The following LEAP2 variants were observed in gnomAD, a reference collection of about 807,000 sequenced individuals.
The protein encoded by LEAP2 is liver enriched antimicrobial peptide 2.
LEAP2 carries 13 observed loss-of-function variants against 9.3 expected under a neutral mutation model. The ratio of observed to expected loss-of-function variants is 1.39; its 90% CI spans 0.91 to 2.21. The LOEUF is 2.21. Among genes scored for constraint, LEAP2 ranks in the 30% most tolerant of loss-of-function variants. The probability of loss-of-function intolerance (pLI) is 0.00; values close to 1 mark genes in which losing one functional copy is unlikely to be tolerated. For synonymous variants in LEAP2, 34 were observed against 34.9 expected (o/e 0.98, Z 0.09); for missense variants, 98 against 94.0 (o/e 1.04, Z -0.17).
chr5:132,873,873 G>A (rs950790190), intron 1 of LEAP2, 77 bp from the exon 2 acceptor site: 47 of 1,595,378 alleles, frequency 2.9e-5, no homozygotes, highest in East Asian at 1.8e-4. Context: ...CAGCATCTGC[G>A]GAATGGAATG....
chr5:132,874,678 A>C lies in LEAP2; in HGVS notation c.*232A>C, dbSNP rs1313398814. 2 of 602,820 alleles carry C rather than the reference A, an allele frequency of 3.3e-6. No homozygotes were observed. The highest frequency in any genetic ancestry group is 5.9e-6 in the Non-Finnish European group (2 of 337,796). The allele number at this position is 602,820 out of a possible 1,614,324, so 37.3% of individuals were successfully genotyped here. A position where few individuals can be genotyped will look rare whatever the true frequency, so the allele number is the denominator to read the frequency against. Reference sequence around the variant, plus strand: ...TAGAGTTTATTTTTCTATGGATACTATTAAATGTCTCAAATTGAAATTTTA... The same window carrying C: ...TAGAGTTTATTTTTCTATGGATACTCTTAAATGTCTCAAATTGAAATTTTA... On this transcript the variant is annotated 3_prime_UTR_variant, in exon 3 of 3. Transcript: ENST00000296877.
At position 132,874,728 on chromosome 5, in the gene LEAP2, G is replaced by A; in HGVS notation, c.*282G>A. 1 of 545,384 alleles carries A rather than the reference G, an allele frequency of 1.8e-6. No individual in the cohort carries two copies. 33.8% of individuals were successfully genotyped at this position (545,384 alleles called of 1,614,324 possible). ...AGCAGTCTGGAATTCAAGCTTTTGA[G>A]GGAAAGAAGGATTCATTTTGTATAC... On this transcript the variant is annotated 3_prime_UTR_variant, in exon 3 of 3. Transcript: ENST00000296877.
chr5:132,874,215 A>G (rs989558322), intron 2 of LEAP2, 126 bp downstream of exon 2: 4 of 1,130,432 alleles, frequency 3.5e-6, no homozygotes, highest in Non-Finnish European at 5.1e-6. Context: ...TGAGACTGGG[A>G]GCTCCATGGA....
In LEAP2 at chr5:132,874,090, G is replaced by A. The variant is rs1759782536; in HGVS notation, c.197+1G>A. 4.3e-6 allele frequency: 7 copies of A among 1,611,526 alleles called. No individual in the cohort carries two copies. Among genetic ancestry groups the A allele is most frequent in the Middle Eastern group, 3.4e-4 (2 of 5,798 alleles). On this transcript the variant is annotated splice_donor_variant, in intron 2 of 2. Transcript: ENST00000296877. LOFTEE classifies it high-confidence loss of function. ...CTGAGTGTATCACAAGGCTATGCAGGTACTCCCTGAACCTGGGAGCAGGGT... is the reference window on the plus strand; with the variant it reads ...CTGAGTGTATCACAAGGCTATGCAGATACTCCCTGAACCTGGGAGCAGGGT...
At position 132,873,998 on chromosome 5, in the gene LEAP2, C is replaced by T. The variant is rs556112485; in HGVS notation, c.106C>T (p.Arg36Trp). ...PEVSSAKRRP[R>W]RMTPFWRGVS... ...AGTGAGTTCGGCAAAGAGAAGGCCA[C>T]GGAGAATGACCCCATTTTGGAGAGG... The change falls in exon 2 of 3, where the codon CGG becomes TGG. Residue 36 changes from arginine to tryptophan, a missense_variant. Coordinates refer to ENST00000296877, the MANE Select transcript of LEAP2 (RefSeq NM_052971.3). The T allele has an allele frequency of 4.3e-5, 69 of 1,614,100 alleles. No homozygotes were observed. The highest frequency in any genetic ancestry group is 4.2e-4 in the South Asian group (38 of 91,084).
rs563818763 is a variant in LEAP2, at chr5:132,874,651, T to C, written c.*205T>C. 235 of 651,638 alleles carry C rather than the reference T, an allele frequency of 3.6e-4. No individual in the cohort carries two copies. The highest frequency in any genetic ancestry group is 2.3e-3 in the Middle Eastern group (9 of 3,928). The allele number at this position is 651,638 out of a possible 1,614,324, so 40.4% of individuals were successfully genotyped here. ...GGATAAGCATAACTAAACTTGTCAA[T>C]TTAGAGTTTATTTTTCTATGGATAC... On this transcript the variant is annotated 3_prime_UTR_variant, in exon 3 of 3. Coordinates refer to ENST00000296877, the MANE Select transcript of LEAP2 (RefSeq NM_052971.3).
At position 132,873,731 on chromosome 5, in the gene LEAP2, T is replaced by C. The variant is rs746615182; in HGVS notation, c.37T>C (p.Phe13Leu). 6 of 1,614,116 alleles carry C rather than the reference T, an allele frequency of 3.7e-6. No individual in the cohort carries two copies. Among genetic ancestry groups the C allele is most frequent in the South Asian group, 3.3e-5 (3 of 91,082 alleles). Residue 13 changes from phenylalanine to leucine, a missense_variant, in exon 1 of 3, where the codon TTC (phenylalanine) becomes CTC (leucine). Physicochemically the swap from Phe to Leu is conservative, Grantham distance 22. Coordinates refer to ENST00000296877, the MANE Select transcript of LEAP2 (RefSeq NM_052971.3). ...CAAACTTTGTGCAGTCCTCATGATCTTCCTGTTGCTGTTGGGCCAGGTAAG... is the reference window on the plus strand; with the variant it reads ...CAAACTTTGTGCAGTCCTCATGATCCTCCTGTTGCTGTTGGGCCAGGTAAG... ...HLKLCAVLMI[F>L]LLLLGQIDGS...
intron 2 of LEAP2, 57 bp from the exon 3 acceptor site, chr5:132,874,353 G>A (rs1759786431): frequency 3.5e-6 from 5 of 1,409,240 alleles, no homozygotes; most frequent in Non-Finnish European, 5.0e-6. Flanking sequence ...TGCAGCATAG[G>A]TGGCCCTGGT....
rs755800324 is a variant in LEAP2 at position 132,873,954 on chromosome 5, A to C, written c.62A>C (p.Asp21Ala). 6.2e-7 allele frequency: 1 copy of C among 1,614,124 alleles called. No homozygotes were observed. The highest frequency in any genetic ancestry group is 2.2e-5 in the East Asian group (1 of 44,890). ...TGAATGTCTTTGCCCTTACAGATAG[A>C]TGGCTCCCCAATACCAGAAGTGAGT... is the stretch of plus-strand genomic sequence containing the variant. ...MIFLLLLGQI[D>A]GSPIPEVSSA... Residue 21 changes from aspartate to alanine, a missense_variant, in exon 2 of 3, where the codon GAT (aspartate) becomes GCT (alanine). By Grantham distance (126) the Asp-to-Ala change is moderately radical (BLOSUM62 -2). Transcript: ENST00000296877.
chr5:132,874,225 A>G, intron 2 of LEAP2, 136 bp downstream of exon 2: 1 of 1,093,342 alleles, frequency 9.1e-7, no homozygotes, highest in Non-Finnish European at 1.3e-6. Flanking sequence ...AGCTCCATGG[A>G]AAATCCCTTA....
Position 132,873,897 on chromosome 5 carries a change from G to C in LEAP2, c.58-53G>C, listed in dbSNP as rs1759776533. ...CGGAATGGAATGATCACTCTTCCAA[G>C]GTGTGCAGCAGGGTGTCAACACTTT... On this transcript the variant is annotated intron_variant, in intron 1 of 2. Transcript: ENST00000296877. The C allele has an allele frequency of 1.9e-6, 3 of 1,608,228 alleles. No individual in the cohort carries two copies. The Admixed American group carries it at 5.0e-5, about 27-fold the overall frequency.
Position 132,874,883 on chromosome 5 carries a change from A to G in LEAP2, c.*437A>G. 1 of 322,172 alleles carries G rather than the reference A, an allele frequency of 3.1e-6. No individual in the cohort carries two copies. Among genetic ancestry groups the G allele is most frequent in the African/African-American group, 2.2e-5 (1 of 45,602 alleles). The allele number at this position is 322,172 out of a possible 1,614,324, so 20.0% of individuals were successfully genotyped here. ...CTAAGCTGTGGCCCTGGATCCCTTC[A>G]CTCCATACTCTTCAGGGAGGTGTCA... On this transcript the variant is annotated 3_prime_UTR_variant, in exon 3 of 3. Transcript: ENST00000296877.
rs1759777803 is a variant in LEAP2, at chr5:132,873,947, C to G, written c.58-3C>G. Reference sequence around the variant, plus strand: ...TCATATCTGAATGTCTTTGCCCTTACAGATAGATGGCTCCCCAATACCAGA... The same window carrying G: ...TCATATCTGAATGTCTTTGCCCTTAGAGATAGATGGCTCCCCAATACCAGA... On this transcript the variant is annotated splice_region_variant and splice_polypyrimidine_tract_variant and intron_variant, in intron 1 of 2. Coordinates refer to ENST00000296877, the MANE Select transcript of LEAP2 (RefSeq NM_052971.3). 6.2e-7 allele frequency: 1 copy of G among 1,613,878 alleles called. No homozygotes were observed. The highest frequency in any genetic ancestry group is 1.7e-5 in the Admixed American group (1 of 60,004).
rs1759781245 is a variant in LEAP2 at position 132,874,066 on chromosome 5, T to C, written c.174T>C (p.Ser58=). The change falls in exon 2 of 3, where the codon TCT becomes TCC. Residue 58 remains serine (S), a synonymous_variant. Coordinates refer to ENST00000296877, the MANE Select transcript of LEAP2 (RefSeq NM_052971.3). Reference sequence around the variant, plus strand: ...TTGGAGCCTCCTGCCGGGATGATTCTGAGTGTATCACAAGGCTATGCAGGT... The same window carrying C: ...TTGGAGCCTCCTGCCGGGATGATTCCGAGTGTATCACAAGGCTATGCAGGT... ...RPIGASCRDD[S]ECITRLCRKR... is the part of the protein sequence containing the mutation. 6.2e-7 allele frequency: 1 copy of C among 1,613,978 alleles called. No individual in the cohort carries two copies.
chr5:132,874,727 A>C lies in LEAP2; in HGVS notation c.*281A>C. 7.3e-6 allele frequency: 4 copies of C among 547,250 alleles called. No individual in the cohort carries two copies. Among genetic ancestry groups the C allele is most frequent in the South Asian group, 2.1e-5 (1 of 48,724 alleles). 33.9% of individuals were successfully genotyped at this position (547,250 alleles called of 1,614,324 possible). ...TAGCAGTCTGGAATTCAAGCTTTTG[A>C]GGGAAAGAAGGATTCATTTTGTATA... is the stretch of plus-strand genomic sequence containing the variant. On this transcript the variant is annotated 3_prime_UTR_variant, in exon 3 of 3. Coordinates refer to ENST00000296877, the MANE Select transcript of LEAP2 (RefSeq NM_052971.3).
chr5:132,873,866 C>T, intron 1 of LEAP2, 84 bp from the exon 2 acceptor site: 2 of 1,590,210 alleles, frequency 1.3e-6, no homozygotes, highest in Non-Finnish European at 1.7e-6. Flanking sequence ...GAGTCTACAG[C>T]ATCTGCGGAA....
At position 132,873,998 on chromosome 5, in the gene LEAP2, C is replaced by A; in HGVS notation, c.106C>A (p.Arg36=). 6.2e-7 allele frequency: 1 copy of A among 1,614,102 alleles called. No homozygotes were observed. The highest frequency in any genetic ancestry group is 8.5e-7 in the Non-Finnish European group (1 of 1,179,990). ...PEVSSAKRRP[R]RMTPFWRGVS... The stretch of plus-strand genomic sequence containing the variant: ...AGTGAGTTCGGCAAAGAGAAGGCCA[C>A]GGAGAATGACCCCATTTTGGAGAGG... The change falls in exon 2 of 3, where the codon CGG becomes AGG. Residue 36 remains arginine (R), a synonymous_variant. Transcript: ENST00000296877.
chr5:132,873,995 C>G lies in LEAP2; in HGVS notation c.103C>G (p.Pro35Ala). Residue 35 changes from proline to alanine, a missense_variant, in exon 2 of 3, where the codon CCA becomes GCA. Transcript: ENST00000296877. ...AGAAGTGAGTTCGGCAAAGAGAAGG[C>G]CACGGAGAATGACCCCATTTTGGAG... The part of the protein sequence containing the change: ...IPEVSSAKRR[P>A]RRMTPFWRGV... 6.2e-7 allele frequency: 1 copy of G among 1,614,102 alleles called. No individual in the cohort carries two copies. Among genetic ancestry groups the G allele is most frequent in the South Asian group, 1.1e-5 (1 of 91,080 alleles).
rs1275836431 is a variant in LEAP2, at chr5:132,874,435, G to A, written c.223G>A (p.Ala75Thr). The A allele has an allele frequency of 1.9e-6, 3 of 1,613,784 alleles. No individual in the cohort carries two copies. Among genetic ancestry groups the A allele is most frequent in the East Asian group, 4.5e-5 (2 of 44,882 alleles). ...AAAAAGACGCTGTTCCTTAAGTGTG[G>A]CCCAGGAATGATGTACATACCAGGG... ...CRKRRCSLSV[A>T]QE The change falls in exon 3 of 3, where the codon GCC becomes ACC. Residue 75 changes from alanine (A) to threonine (T), a missense_variant. Coordinates refer to ENST00000296877, the MANE Select transcript of LEAP2 (RefSeq NM_052971.3).
Sources: allele counts gnomAD v4.1 joint callset, GRCh38; gene constraint gnomAD v4.1.1; transcripts MANE v1.5; gene names NCBI Gene and HGNC (gene_info 2026-07-23, HGNC 2026-07-21).